LRP4: variants seen among roughly 807,000 people sequenced by gnomAD.
LRP4 encodes the protein LDL receptor related protein 4.
A neutral mutation model predicts 220.3 loss-of-function variants in LRP4; 95 were observed. The observed-to-expected ratio is 0.43, with a 90% CI of 0.37 to 0.51. LRP4 has a LOEUF of 0.51. Ranked by LOEUF, LRP4 falls within the 20% of genes least tolerant of loss-of-function variation. LRP4 has a pLI of 0.00. For missense variants in LRP4, 1,925 were observed against 2,567.0 expected (o/e 0.75, Z 5.40); for synonymous variants, 903 against 954.6 (o/e 0.95, Z 1.00).
chr11:46,860,347 G>C (rs1014722973), intron 37 of LRP4, among the ~76,000 whole-genome samples: 2 of 151,988 alleles, frequency 1.3e-5, no homozygotes, highest in African/African-American at 4.8e-5. Flanking sequence ...TTTTTGGGAG[G>C]TTACTCTCGC....
rs1347769680 is a variant in LRP4, at chr11:46,883,879, G to A, written c.2604C>T (p.Pro868=). 8.1e-6 allele frequency: 13 copies of A among 1,613,964 alleles called. No homozygotes were observed. Among genetic ancestry groups the A allele is most frequent in the South Asian group, 1.1e-5 (1 of 91,080 alleles). The change falls in exon 19 of 38, where the codon CCC becomes CCT. Residue 868 remains proline, a synonymous_variant. Coordinates refer to ENST00000378623, the MANE Select transcript of LRP4 (RefSeq NM_002334.4). ...AAGGGGCAGCCACTCACCCGCCCAT[G>A]GGTTCCACCACGATGTCCCGAGGAC... The part of the protein sequence containing the change: ...LDRPRDIVVE[P]MGGYMYWTDW...
At position 46,899,433 on chromosome 11, in the gene LRP4, G is replaced by A. The variant is rs369739623; in HGVS notation, c.501C>T (p.Cys167=). The A allele has an allele frequency of 1.4e-5, 23 of 1,613,956 alleles. No individual in the cohort carries two copies. The highest frequency in any genetic ancestry group is 1.2e-4 in the South Asian group (11 of 91,092). The change falls in exon 5 of 38, where the codon TGC becomes TGT. Residue 167 remains cysteine (C), a synonymous_variant. Transcript: ENST00000378623. The surrounding 1 kb of genome is among the most constrained non-coding windows in gnomAD (Gnocchi z 5.9). ...DGSCIAEHWY[C]DGDTDCKDGS... ...CATCTTTGCAGTCGGTGTCACCGTCGCAGTACCAATGCTCAGCAATGCAGC... is the reference window on the plus strand; with the variant it reads ...CATCTTTGCAGTCGGTGTCACCGTCACAGTACCAATGCTCAGCAATGCAGC...
intron 15 of LRP4, 51 bp downstream of exon 15, chr11:46,889,893 G>A (rs1274409678): frequency 6.2e-7 from 1 of 1,602,024 alleles, no homozygotes. Context: ...GGCACCAGAG[G>A]CCACCTCAAC....
chr11:46,873,203 CA>C lies in LRP4; in HGVS notation c.4479del (p.Ile1493MetfsTer127). The C allele has an allele frequency of 6.2e-7, 1 of 1,614,190 alleles. No individual in the cohort carries two copies. Among genetic ancestry groups the C allele is most frequent in the Non-Finnish European group, 8.5e-7 (1 of 1,180,044 alleles). On this transcript the variant is annotated frameshift_variant, in exon 30 of 38. Transcript: ENST00000378623. LOFTEE classifies it high-confidence loss of function. This position sits in a 1 kb window ranked among gnomAD's most constrained non-coding sequence, Gnocchi z 4.2. The stretch of plus-strand genomic sequence containing the variant: ...TCCAAGTTTGCCCGTTCGATCTTGG[CA>C]ATGTGGCCCCAGTCTGTCCAGAAGA... ...GYLFWTDWGH[I>X]AKIERANLDG...
At position 46,860,161 on chromosome 11, in the gene LRP4, G is replaced by A. The variant is rs181435626; in HGVS notation, c.5386-846C>T. Among the ~76,000 whole-genome samples the A allele has an allele frequency of 2.8e-3, 422 of 151,406 alleles. 3 individuals carry two copies. Among genetic ancestry groups the A allele is most frequent in the African/African-American group, 9.7e-3 (400 of 41,186 alleles). On this transcript the variant is annotated intron_variant, in intron 37 of 37. Transcript: ENST00000378623. ...GAGGCAGGAGAATCCCTTGAACTCC[G>A]GAGGCTGAGGTTACAGTGAGCCAAG...
Position 46,884,467 on chromosome 11 carries a change from T to C in LRP4, c.2507-491A>G, listed in dbSNP as rs1033412851. On this transcript the variant is annotated intron_variant, in intron 18 of 37. Transcript: ENST00000378623. The stretch of plus-strand genomic sequence containing the variant: ...AAATACAAAAATTGGCCGGGCGCAG[T>C]GGCTCACACCTGTAATCCCAGCAGT... Among the ~76,000 whole-genome samples, 9 of 152,152 alleles carry C rather than the reference T, an allele frequency of 5.9e-5. No individual in the cohort carries two copies. In the East Asian group the frequency reaches 1.7e-3, roughly 29 times the overall value.
intron 1 of LRP4, among the ~76,000 whole-genome samples, chr11:46,903,137 G>T (rs1011686477): frequency 6.6e-6 from 1 of 152,168 alleles, no homozygotes; most frequent in South Asian, 2.1e-4. Flanking sequence ...CTTACAAAGA[G>T]TCCAGGTGAC....
intron 1 of LRP4, among the ~76,000 whole-genome samples, chr11:46,910,120 G>A (rs1185361379): frequency 3.3e-5 from 5 of 152,114 alleles, no homozygotes; most frequent in Non-Finnish European, 5.9e-5. Flanking sequence ...ACATGATTGC[G>A]GGTCCAAGCA....
At chr11:46,897,104 GA>G (rs1941549855) in intron 7 of LRP4, 110 bp from the exon 8 acceptor site, 1 of 1,372,898 alleles carries the variant, frequency 7.3e-7, no homozygotes, top group African/African-American at 1.4e-5. Flanking sequence ...TTGACACCGG[GA>G]TCACAGCTGG....
Position 46,890,126 on chromosome 11 carries a change from GA to G in LRP4, c.1916-7del. Reference sequence around the variant, plus strand: ...GGCGAAGGGATGCGGGAGGCCTGGGGAAAGTCCAGGAAGACCTCAGTCTGGA... The same window carrying G: ...GGCGAAGGGATGCGGGAGGCCTGGGGAAGTCCAGGAAGACCTCAGTCTGGA... On this transcript the variant is annotated splice_polypyrimidine_tract_variant and splice_region_variant and intron_variant, in intron 14 of 37. Coordinates refer to ENST00000378623, the MANE Select transcript of LRP4 (RefSeq NM_002334.4). This position sits in a 1 kb window ranked among gnomAD's most constrained non-coding sequence, Gnocchi z 5.3. 1.2e-6 allele frequency: 2 copies of G among 1,613,926 alleles called. No homozygotes were observed. The highest frequency in any genetic ancestry group is 1.7e-6 in the Non-Finnish European group (2 of 1,179,920).
chr11:46,876,444 G>T lies in LRP4; in HGVS notation c.3536+22C>A, dbSNP rs964551. 1,175,133 of 1,613,326 alleles carry T rather than the reference G, an allele frequency of 0.73. 436,923 individuals carry two copies. Among genetic ancestry groups the T allele is most frequent in the Non-Finnish European group, 0.77 (906,325 of 1,179,534 alleles). ...CTGAGCTGGCCCCCCACACTACCCA[G>T]TGCGATACAGCCAGCTCTCACCCCA... On this transcript the variant is annotated intron_variant, in intron 25 of 37. Coordinates refer to ENST00000378623, the MANE Select transcript of LRP4 (RefSeq NM_002334.4).
chr11:46,916,768 T>C (rs1342065746), intron 1 of LRP4, among the ~76,000 whole-genome samples: 1 of 152,092 alleles, frequency 6.6e-6, no homozygotes, highest in Non-Finnish European at 1.5e-5. Flanking sequence ...TCCAGGGGGC[T>C]GAGAGGAAAG....
rs1276223193 is a variant in LRP4, at chr11:46,890,033, T to C, written c.2003A>G (p.Lys668Arg). Residue 668 changes from lysine (K) to arginine (R), a missense_variant, in exon 15 of 38, where the codon AAA becomes AGA. Transcript: ENST00000378623. The surrounding 1 kb of genome is among the most constrained non-coding windows in gnomAD (Gnocchi z 5.3). ...WHTKSINSAN[K>R]FTGKNQEIIR... ...GATTTCCTGGTTCTTCCCCGTAAATTTGTTAGCGCTATTGATGCTCTTGGT... is the reference window on the plus strand; with the variant it reads ...GATTTCCTGGTTCTTCCCCGTAAATCTGTTAGCGCTATTGATGCTCTTGGT... 1.2e-6 allele frequency: 2 copies of C among 1,613,952 alleles called. No individual in the cohort carries two copies.
intron 1 of LRP4, among the ~76,000 whole-genome samples, chr11:46,906,317 G>C (rs570135659): frequency 6.6e-6 from 1 of 151,998 alleles, no homozygotes; most frequent in East Asian, 1.9e-4. Flanking sequence ...TTAGCTGGGC[G>C]TGGTGGCGCA....
chr11:46,873,253 A>G lies in LRP4; in HGVS notation c.4449-19T>C. On this transcript the variant is annotated intron_variant, in intron 29 of 37. Coordinates refer to ENST00000378623, the MANE Select transcript of LRP4 (RefSeq NM_002334.4). This position sits in a 1 kb window ranked among gnomAD's most constrained non-coding sequence, Gnocchi z 4.2. The stretch of plus-strand genomic sequence containing the variant: ...GAGGTACCTGAGACACAACAGTGCC[A>G]TCATCATCAAGGCATGGGAAGACAG... The G allele has an allele frequency of 6.2e-7, 1 of 1,614,164 alleles. No homozygotes were observed. Among genetic ancestry groups the G allele is most frequent in the Non-Finnish European group, 8.5e-7 (1 of 1,180,016 alleles).
rs1229020582 is a variant in LRP4 at position 46,859,428 on chromosome 11, A to G, written c.5386-113T>C. On this transcript the variant is annotated intron_variant, in intron 37 of 37. Coordinates refer to ENST00000378623, the MANE Select transcript of LRP4 (RefSeq NM_002334.4). ...AAGAGTAGGAGTGAAGCGCACAAAA[A>G]TCCCACAAACAAATGGGGAAATGTG... is the stretch of plus-strand genomic sequence containing the variant. 6.3e-6 allele frequency: 5 copies of G among 797,228 alleles called. No homozygotes were observed. In the East Asian group the frequency reaches 1.3e-4, roughly 20 times the overall value. The allele number at this position is 797,228 out of a possible 1,614,324, so 49.4% of individuals were successfully genotyped here.
chr11:46,859,916 G>C (rs1473779626), intron 37 of LRP4, among the ~76,000 whole-genome samples: 2 of 152,116 alleles, frequency 1.3e-5, no homozygotes, highest in African/African-American at 2.4e-5. Flanking sequence ...GAAAACTTGG[G>C]AGGTAAGACA....
chr11:46,902,726 C>G (rs996838281), intron 2 of LRP4, 57 bp downstream of exon 2: 1 of 1,599,982 alleles, frequency 6.3e-7, no homozygotes, highest in Non-Finnish European at 8.6e-7. Flanking sequence ...CTTGTCCTTG[C>G]CCCCCACCCC....
intron 1 of LRP4, among the ~76,000 whole-genome samples, chr11:46,915,988 C>T (rs1480424354): frequency 6.6e-6 from 1 of 152,172 alleles, no homozygotes; most frequent in Non-Finnish European, 1.5e-5. Flanking sequence ...ACTGCTCAAT[C>T]TTACTGGTGA....
Sources: allele counts gnomAD v4.1 joint callset (sites outside exome capture counted in the v4.1 genomes callset), GRCh38; gene constraint gnomAD v4.1.1; non-coding constraint Gnocchi (gnomAD v3.1); transcripts MANE v1.5; gene names NCBI Gene and HGNC (gene_info 2026-07-23, HGNC 2026-07-21).